HDX: variants seen among roughly 807,000 people sequenced by gnomAD.
The protein encoded by HDX is highly divergent homeobox, also known as chromosome X open reading frame 43.
Under a neutral mutation model 45.2 loss-of-function variants are expected in HDX, and 19 were observed. That is an observed-to-expected ratio of 0.42 (90% CI 0.29 to 0.62). The LOEUF (loss-of-function observed/expected upper bound fraction) is 0.62, where lower values mean the gene tolerates loss of function less well. HDX is among the 20% of genes least tolerant of loss of function. The pLI, the probability that HDX is intolerant of heterozygous loss-of-function variation, is 0.20. For missense variants in HDX, 532 were observed against 493.9 expected (o/e 1.08, Z -0.73); for synonymous variants, 188 against 172.8 (o/e 1.09, Z -0.69).
intron 1 of HDX, among the ~76,000 whole-genome samples, chrX:84,493,596 A>T (rs1025314490): frequency 8.9e-6 from 1 of 112,099 alleles, no homozygotes; most frequent in African/African-American, 3.2e-5. Context: ...AATTCTAAAG[A>T]AAGCTTCTAC....
chrX:84,348,762 G>A (rs2037263460), intron 6 of HDX, among the ~76,000 whole-genome samples: 1 of 111,218 alleles, frequency 9.0e-6, no homozygotes, highest in Non-Finnish European at 1.9e-5. Context: ...GGTGGGACAA[G>A]ATGGCTAAAG....
At chrX:84,498,480 G>A (rs1569382582) in intron 1 of HDX, among the ~76,000 whole-genome samples, 1 of 111,177 alleles carries the variant, frequency 9.0e-6, no homozygotes, top group Admixed American at 9.6e-5. Context: ...TAGATATAGT[G>A]TACTCAATAC....
intron 5 of HDX, among the ~76,000 whole-genome samples, chrX:84,421,871 T>C (rs1287395284): frequency 9.0e-6 from 1 of 111,221 alleles, no homozygotes; most frequent in African/African-American, 3.3e-5. Context: ...GAAATTAAAA[T>C]ATATATGAAC....
chrX:84,413,628 AT>A (rs764417041), intron 5 of HDX, among the ~76,000 whole-genome samples: 39 of 111,045 alleles, frequency 3.5e-4, no homozygotes, highest in Non-Finnish European at 5.7e-4. Flanking sequence ...CTTGTTAACT[AT>A]TTTTTTTAGG....
chrX:84,501,896 C>A (rs1162855167), intron 1 of HDX, among the ~76,000 whole-genome samples: 1 of 109,027 alleles, frequency 9.2e-6, no homozygotes, highest in Non-Finnish European at 1.9e-5. Context: ...CACCCCGCCC[C>A]CACCAAGGTG....
At chrX:84,350,060 T>C (rs1274112648) in intron 6 of HDX, among the ~76,000 whole-genome samples, 1 of 110,673 alleles carries the variant, frequency 9.0e-6, no homozygotes, top group Non-Finnish European at 1.9e-5. Flanking sequence ...CCCCAAAACC[T>C]ATAAAAACTG....
At chrX:84,361,933 A>G (rs952569850) in intron 5 of HDX, among the ~76,000 whole-genome samples, 4 of 111,903 alleles carry the variant, frequency 3.6e-5, no homozygotes, top group African/African-American at 1.3e-4. Context: ...AATCACTTAC[A>G]TATTAGAAAT....
intron 3 of HDX, among the ~76,000 whole-genome samples, chrX:84,472,691 T>C (rs2040474660): frequency 9.0e-6 from 1 of 111,504 alleles, no homozygotes; most frequent in Non-Finnish European, 1.9e-5. Flanking sequence ...TATTATTTTA[T>C]GGCACAGTAT....
chrX:84,428,782 T>C (rs12853682), intron 5 of HDX, among the ~76,000 whole-genome samples: 25,594 of 109,995 alleles, frequency 0.23, 2,755 homozygotes, highest in Admixed American at 0.33. Context: ...TAAGTAATCT[T>C]TGCCTAGCCA....
At chrX:84,422,271 G>A (rs1250896072) in intron 5 of HDX, among the ~76,000 whole-genome samples, 3 of 112,049 alleles carry the variant, frequency 2.7e-5, no homozygotes, top group Non-Finnish European at 5.6e-5. Flanking sequence ...GTTCCTGAAT[G>A]ACATGTTGGT....
chrX:84,370,867 G>A (rs1399871794), intron 5 of HDX, among the ~76,000 whole-genome samples: 4 of 111,836 alleles, frequency 3.6e-5, no homozygotes, highest in Non-Finnish European at 7.5e-5. Flanking sequence ...AATCCTCTTT[G>A]GACAGAATTG....
intron 5 of HDX, among the ~76,000 whole-genome samples, chrX:84,431,834 A>G (rs759054997): frequency 9.0e-6 from 1 of 111,061 alleles, no homozygotes; most frequent in South Asian, 3.8e-4. Flanking sequence ...GAAGCTCTTC[A>G]GTTTAATTTG....
At chrX:84,418,918 A>G (rs2039180675) in intron 5 of HDX, among the ~76,000 whole-genome samples, 1 of 111,167 alleles carries the variant, frequency 9.0e-6, no homozygotes, top group Non-Finnish European at 1.9e-5. Context: ...AGAGGGGAGG[A>G]CTTCATCTTG....
chrX:84,410,627 T>A (rs766715342), intron 5 of HDX, among the ~76,000 whole-genome samples: 6 of 111,785 alleles, frequency 5.4e-5, no homozygotes, highest in Non-Finnish European at 1.1e-4. Flanking sequence ...TGATGTTTTA[T>A]TTTTCTGTTG....
intron 6 of HDX, among the ~76,000 whole-genome samples, chrX:84,346,718 C>G (rs987975463): frequency 1.8e-5 from 2 of 111,090 alleles, no homozygotes; most frequent in African/African-American, 6.5e-5. Flanking sequence ...AAATCTCACA[C>G]CTTATACAAA....
At chrX:84,333,654 A>T (rs1160377045) in intron 9 of HDX, 105 bp downstream of exon 9, 3 of 400,083 alleles carry the variant, frequency 7.5e-6, no homozygotes, top group Non-Finnish European at 4.5e-6. Flanking sequence ...ATTAATGCAG[A>T]GCCTTAGAAT....
At chrX:84,322,505 C>G (rs2036617161) in intron 10 of HDX, among the ~76,000 whole-genome samples, 1 of 111,072 alleles carries the variant, frequency 9.0e-6, no homozygotes, top group South Asian at 3.7e-4. Context: ...TTACTTTAGA[C>G]TAAATTTTAA....
chrX:84,444,309 G>A (rs1337475773), intron 4 of HDX, among the ~76,000 whole-genome samples: 12 of 110,956 alleles, frequency 1.1e-4, no homozygotes, highest in African/African-American at 2.3e-4. Flanking sequence ...GCCATTGAGG[G>A]CATTCAAACA....
At chrX:84,337,901 TCC>T (rs2037000246) in intron 7 of HDX, among the ~76,000 whole-genome samples, 1 of 111,075 alleles carries the variant, frequency 9.0e-6, no homozygotes, top group Non-Finnish European at 1.9e-5. Context: ...GCATGTATAA[TCC>T]CTTCTGTTTT....
Sources: gnomAD v4.1 joint callset for allele counts (sites outside exome capture counted in the v4.1 genomes callset) on GRCh38, gnomAD v4.1.1 for gene constraint, MANE v1.5 for transcripts, NCBI Gene and HGNC (gene_info 2026-07-23, HGNC 2026-07-21) for gene names.